Variants in RHOT1 observed in about 807,000 individuals in gnomAD.
RHOT1 encodes ras homolog family member T1.
In RHOT1, 27 loss-of-function variants were observed where a neutral mutation model predicts 95.3. The observed-to-expected ratio is 0.28, with a 90% confidence interval of 0.21 to 0.39. The LOEUF is 0.39. RHOT1 is among the 10% of genes least tolerant of loss of function. The probability of loss-of-function intolerance (pLI) is 1.00; values close to 1 mark genes in which losing one functional copy is unlikely to be tolerated. For missense variants in RHOT1, 578 were observed against 786.7 expected, an observed-to-expected ratio of 0.73 and a Z score of 3.17; for synonymous variants, 227 against 263.5, an observed-to-expected ratio of 0.86 and a Z score of 1.34.
intron 17 of RHOT1, 96 bp from the exon 18 acceptor site, chr17:32,208,011 G>A (rs571826320): frequency 9.1e-7 from 1 of 1,095,750 alleles, no homozygotes; most frequent in Non-Finnish European, 1.3e-6. Context: ...AACTACTGTT[G>A]CTTTGCCCAT....
intron 1 of RHOT1, among the ~76,000 whole-genome samples, chr17:32,147,507 T>A (rs2031541148): frequency 6.6e-6 from 1 of 151,980 alleles, no homozygotes; most frequent in African/African-American, 2.4e-5. Context: ...CTTTCCATTC[T>A]GGTCTTTGTT....
At chr17:32,196,552 C>T (rs1243645088) in intron 11 of RHOT1, among the ~76,000 whole-genome samples, 2 of 152,156 alleles carry the variant, frequency 1.3e-5, no homozygotes, top group Non-Finnish European at 2.9e-5. Context: ...TCCTCATGCA[C>T]ACTCCCTGCC....
At chr17:32,186,666 C>T (rs1348895566) in intron 8 of RHOT1, among the ~76,000 whole-genome samples, 1 of 151,718 alleles carries the variant, frequency 6.6e-6, no homozygotes, top group African/African-American at 2.4e-5. Flanking sequence ...CGCCCGGCCC[C>T]CATTTTTGTT....
In RHOT1 at chr17:32,208,490, A is replaced by G. The variant is rs1249327950; in HGVS notation, c.1739+181A>G. The G allele has an allele frequency of 4.9e-6, 3 of 608,842 alleles. No homozygotes were observed. The African/African-American group carries it at 5.6e-5, about 11-fold the overall frequency. 37.7% of individuals were successfully genotyped at this position (608,842 alleles called of 1,614,324 possible). ...GGTTTGAATGCCATAATAAAATGAT[A>G]TAAACAGTGCTTCTGACAATATCTG... On this transcript the variant is annotated intron_variant, in intron 18 of 19. Transcript: ENST00000545287.
At chr17:32,142,938 A>G (rs2030609391) in intron 1 of RHOT1, 8 of 714,906 alleles carry the variant, frequency 1.1e-5, no homozygotes, top group Non-Finnish European at 1.8e-5. Context: ...TCACCCTGTC[A>G]CCTCACCTGG....
chr17:32,146,128 T>C (rs940104921), intron 1 of RHOT1, among the ~76,000 whole-genome samples: 2 of 152,230 alleles, frequency 1.3e-5, no homozygotes. Flanking sequence ...TTCCCTTTTA[T>C]GCTACTCTCT....
intron 1 of RHOT1, among the ~76,000 whole-genome samples, chr17:32,152,676 C>T (rs924135556): frequency 6.6e-6 from 1 of 151,954 alleles, no homozygotes; most frequent in African/African-American, 2.4e-5. Flanking sequence ...GGGAACAAAA[C>T]ATCTCTTGAA....
intron 19 of RHOT1, among the ~76,000 whole-genome samples, chr17:32,219,757 C>A (rs1046781414): frequency 6.6e-6 from 1 of 152,122 alleles, no homozygotes; most frequent in Non-Finnish European, 1.5e-5. Flanking sequence ...AGCCAACATC[C>A]CAGACACAGG....
intron 1 of RHOT1, among the ~76,000 whole-genome samples, chr17:32,147,846 C>G (rs865796893): frequency 8.6e-5 from 13 of 151,796 alleles, no homozygotes; most frequent in Admixed American, 6.6e-5. Context: ...TTAAACTGCT[C>G]CAGTTTCAAT....
chr17:32,150,359 T>C (rs1006217767), intron 1 of RHOT1: 1 of 363,074 alleles, frequency 2.8e-6, no homozygotes, highest in African/African-American at 2.1e-5. Flanking sequence ...TAATGAACTT[T>C]TTTTTTTTTT....
At chr17:32,195,431 A>G (rs1440789362) in intron 11 of RHOT1, among the ~76,000 whole-genome samples, 1 of 151,960 alleles carries the variant, frequency 6.6e-6, no homozygotes, top group Non-Finnish European at 1.5e-5. Context: ...TTCCTTTGAT[A>G]ATGCTGTGTT....
At chr17:32,182,709 T>C in intron 6 of RHOT1, 48 bp from the exon 7 acceptor site, 3 of 1,064,760 alleles carry the variant, frequency 2.8e-6, no homozygotes, top group Non-Finnish European at 2.8e-6. Flanking sequence ...AAAATATAAA[T>C]TTAATGTCTT....
At chr17:32,185,955 A>T (rs2036015732) in intron 8 of RHOT1, among the ~76,000 whole-genome samples, 1 of 151,896 alleles carries the variant, frequency 6.6e-6, no homozygotes, top group Non-Finnish European at 1.5e-5. Context: ...CTCCTGGCTC[A>T]AGCAATTCTC....
intron 18 of RHOT1, chr17:32,209,378 C>T (rs376695585): frequency 2.2e-5 from 36 of 1,610,720 alleles, no homozygotes; most frequent in Middle Eastern, 1.6e-4. Context: ...CAGACTCTCC[C>T]GAGACATGGG....
At chr17:32,217,116 C>T (rs2038523227) in intron 19 of RHOT1, among the ~76,000 whole-genome samples, 1 of 152,142 alleles carries the variant, frequency 6.6e-6, no homozygotes, top group African/African-American at 2.4e-5. Context: ...CACTAGTTAA[C>T]ATATAGATAT....
Position 32,202,883 on chromosome 17 carries a change from C to A in RHOT1, c.1315C>A (p.Leu439Ile). ...GAAAAGTGGAGTTCTTCAGGCTCTT[C>A]TTGGAAGAAACTTAATGGTGAGAGT... ...CGKSGVLQALLGRNLMRQKKI... is the reference protein window; with the variant it reads ...CGKSGVLQALIGRNLMRQKKI... The change falls in exon 15 of 20, where the codon CTT becomes ATT. Residue 439 changes from leucine (L) to isoleucine (I), a missense_variant. Physicochemically the swap from Leu to Ile is conservative, Grantham distance 5 (BLOSUM62 2). This residue lies in a region of RHOT1 where 296 missense variants were observed against 338.5 expected (regional missense o/e 0.87). Transcript: ENST00000545287. 1 of 1,612,606 alleles carries A rather than the reference C, an allele frequency of 6.2e-7. No homozygotes were observed. Among genetic ancestry groups the A allele is most frequent in the Non-Finnish European group, 8.5e-7 (1 of 1,179,580 alleles).
intron 18 of RHOT1, among the ~76,000 whole-genome samples, chr17:32,210,007 G>A (rs564775870): frequency 9.6e-4 from 145 of 150,844 alleles, no homozygotes; most frequent in Non-Finnish European, 1.7e-3. Flanking sequence ...TTTAATTCTT[G>A]TTTTTCTTCA....
intron 1 of RHOT1, among the ~76,000 whole-genome samples, chr17:32,169,018 A>G (rs1052771955): frequency 4.6e-5 from 7 of 152,186 alleles, no homozygotes; most frequent in Admixed American, 2.0e-4. Flanking sequence ...ACACAAGTCA[A>G]TTGAAAAGGC....
intron 19 of RHOT1, among the ~76,000 whole-genome samples, chr17:32,218,158 C>G (rs995315517): frequency 6.6e-6 from 1 of 151,876 alleles, no homozygotes; most frequent in Non-Finnish European, 1.5e-5. Context: ...CCACCATGCC[C>G]GTCCTCAGAA....
Sources: allele counts gnomAD v4.1 joint callset (sites outside exome capture counted in the v4.1 genomes callset), GRCh38; gene constraint gnomAD v4.1.1; regional missense constraint gnomAD v4.1.1; transcripts MANE v1.5; gene names NCBI Gene and HGNC (gene_info 2026-07-23, HGNC 2026-07-21).